NHS: variants seen among roughly 807,000 people sequenced by gnomAD.
NHS encodes the protein NHS actin remodeling regulator.
In NHS, 5 loss-of-function variants were observed where a neutral mutation model predicts 72.5. The ratio of observed to expected loss-of-function variants is 0.07; its 90% CI spans 0.04 to 0.14. The LOEUF is 0.14. Ranked by LOEUF, NHS falls within the 10% of genes least tolerant of loss-of-function variation. NHS has a pLI of 1.00. For missense variants in NHS, 1,072 were observed against 1,355.7 expected (o/e 0.79, Z 3.29); for synonymous variants, 464 against 547.7 (o/e 0.85, Z 2.13).
intron 1 of NHS, among the ~76,000 whole-genome samples, chrX:17,567,715 G>C (rs958313756): frequency 9.2e-6 from 1 of 109,061 alleles, no homozygotes; most frequent in Non-Finnish European, 1.9e-5. Context: ...AAAAGAAAAA[G>C]AGAGGAGGGA....
chrX:17,643,008 T>C (rs1245969786), intron 1 of NHS, among the ~76,000 whole-genome samples: 1 of 112,106 alleles, frequency 8.9e-6, no homozygotes, highest in Non-Finnish European at 1.9e-5. Flanking sequence ...GATTGTCACA[T>C]GCAGTGGTTG....
At chrX:17,645,661 A>G (rs1052716250) in intron 1 of NHS, among the ~76,000 whole-genome samples, 1 of 111,941 alleles carries the variant, frequency 8.9e-6, no homozygotes. Flanking sequence ...CATATTGACC[A>G]TCCCAGAAAG....
intron 1 of NHS, among the ~76,000 whole-genome samples, chrX:17,670,459 A>G (rs2066037745): frequency 8.9e-6 from 1 of 112,666 alleles, no homozygotes; most frequent in Non-Finnish European, 1.9e-5. Context: ...ACCCACTAAC[A>G]GGGGTCTGTG....
intron 1 of NHS, among the ~76,000 whole-genome samples, chrX:17,398,932 T>C (rs1175207568): frequency 9.0e-6 from 1 of 111,623 alleles, no homozygotes; most frequent in Non-Finnish European, 1.9e-5. Context: ...TTTTTTGCTA[T>C]CTACCACAAG....
intron 1 of NHS, among the ~76,000 whole-genome samples, chrX:17,487,379 G>A (rs190611753): frequency 6.4e-4 from 71 of 111,484 alleles, no homozygotes; most frequent in Non-Finnish European, 1.0e-3. Flanking sequence ...AATTTAGGGC[G>A]CCCACCCTCC....
chrX:17,561,998 A>G (rs1175160548), intron 1 of NHS, among the ~76,000 whole-genome samples: 1 of 110,346 alleles, frequency 9.1e-6, no homozygotes, highest in Non-Finnish European at 1.9e-5. Flanking sequence ...CATCTTCCCT[A>G]ATATTTGTTC....
At chrX:17,684,971 T>G (rs181021868) in intron 1 of NHS, among the ~76,000 whole-genome samples, 26 of 112,293 alleles carry the variant, frequency 2.3e-4, no homozygotes, top group African/African-American at 7.8e-4. Context: ...ATGGTGAGAT[T>G]GTTAAAAAGG....
At chrX:17,452,307 A>T (rs1422191380) in intron 1 of NHS, among the ~76,000 whole-genome samples, 1 of 111,183 alleles carries the variant, frequency 9.0e-6, no homozygotes, top group Non-Finnish European at 1.9e-5. Flanking sequence ...TAAAAATATG[A>T]TTTTTTTCTC....
At chrX:17,550,355 A>G (rs1401216131) in intron 1 of NHS, among the ~76,000 whole-genome samples, 2 of 112,491 alleles carry the variant, frequency 1.8e-5, no homozygotes, top group Admixed American at 9.4e-5. Flanking sequence ...CTCACTAAAG[A>G]TAAGGCTGGT....
intron 1 of NHS, among the ~76,000 whole-genome samples, chrX:17,559,149 G>A (rs1243356741): frequency 8.9e-6 from 1 of 111,882 alleles, no homozygotes; most frequent in Non-Finnish European, 1.9e-5. Flanking sequence ...TTCCATCAAG[G>A]GAAGATGCTC....
At position 17,723,770 on chromosome X, in the gene NHS, T is replaced by TGTGTGCGCGC. The variant is rs541219770; in HGVS notation, c.1109-528_1109-527insTGTGCGCGCG. On this transcript the variant is annotated intron_variant, in intron 5 of 8. Coordinates refer to ENST00000676302, the MANE Select transcript of NHS (RefSeq NM_001291867.2). ...GTGTGTGTGTGTGTGTGTGTGTGTG[T>TGTGTGCGCGC]GCGCGCGCGTGCGCGCATGGGGAAT... Among the ~76,000 whole-genome samples, 70 of 91,313 alleles carry TGTGTGCGCGC rather than the reference T, an allele frequency of 7.7e-4. 1 individual carries two copies. The highest frequency in any genetic ancestry group is 2.1e-3 in the African/African-American group (41 of 19,790). The allele number at this position is 91,313 out of a possible 115,157, so 79.3% of individuals were successfully genotyped here. A position where few individuals can be genotyped will look rare whatever the true frequency, so the allele number is the denominator to read the frequency against.
intron 1 of NHS, among the ~76,000 whole-genome samples, chrX:17,521,019 A>G (rs184289651): frequency 9.0e-6 from 1 of 111,624 alleles, no homozygotes; most frequent in African/African-American, 3.3e-5. Context: ...AGTACAGTCT[A>G]AGAAGCATTG....
At chrX:17,516,571 G>GCGCACA (rs1283720087) in intron 1 of NHS, among the ~76,000 whole-genome samples, 1 of 91,764 alleles carries the variant, frequency 1.1e-5, no homozygotes, top group Non-Finnish European at 2.1e-5. Context: ...ACACACACGC[G>GCGCACA]CACACACACA....
rs767973065 is a variant in NHS at position 17,666,829 on chromosome X, C to A, written c.566-20913C>A. Among the ~76,000 whole-genome samples the A allele has an allele frequency of 1.8e-3, 197 of 112,155 alleles. 1 individual carries two copies. The highest frequency in any genetic ancestry group is 0.014 in the Middle Eastern group (3 of 216). ...TAAGTCATGTACCCTCCTAGCAGCA[C>A]GCGAAAAGAGAGAACAAAGGCTCTT... On this transcript the variant is annotated intron_variant, in intron 1 of 8. Coordinates refer to ENST00000676302, the MANE Select transcript of NHS (RefSeq NM_001291867.2).
chrX:17,478,834 G>A (rs930713706), intron 1 of NHS, among the ~76,000 whole-genome samples: 3 of 112,106 alleles, frequency 2.7e-5, no homozygotes, highest in Non-Finnish European at 5.6e-5. Context: ...GGGGTATTGA[G>A]CACTTGAAAT....
chrX:17,453,283 C>A (rs2064813390), intron 1 of NHS, among the ~76,000 whole-genome samples: 1 of 111,520 alleles, frequency 9.0e-6, no homozygotes, highest in Admixed American at 9.6e-5. Context: ...CCACACCCCC[C>A]ACCCAAAGGA....
intron 1 of NHS, among the ~76,000 whole-genome samples, chrX:17,543,041 A>G (rs1406041265): frequency 1.8e-5 from 2 of 111,861 alleles, no homozygotes; most frequent in Non-Finnish European, 1.9e-5. Context: ...GGTGGTATAA[A>G]CCAGTGCTTC....
chrX:17,620,269 A>C, intron 1 of NHS, among the ~76,000 whole-genome samples: 1 of 112,109 alleles, frequency 8.9e-6, no homozygotes, highest in Non-Finnish European at 1.9e-5. Context: ...GTTTTGTTTT[A>C]TTAGCCCCTG....
At chrX:17,657,622 G>A (rs2065963203) in intron 1 of NHS, among the ~76,000 whole-genome samples, 1 of 112,461 alleles carries the variant, frequency 8.9e-6, no homozygotes, top group Non-Finnish European at 1.9e-5. Context: ...ATGTGAGAAG[G>A]GCAGCAGCTC....
Sources: gnomAD v4.1 joint callset for allele counts (sites outside exome capture counted in the v4.1 genomes callset) on GRCh38, gnomAD v4.1.1 for gene constraint, MANE v1.5 for transcripts, NCBI Gene and HGNC (gene_info 2026-07-23, HGNC 2026-07-21) for gene names.